Variants in MAP3K13 observed in about 807,000 individuals in gnomAD.
MAP3K13 encodes mitogen-activated protein kinase kinase kinase 13.
MAP3K13 carries 52 observed loss-of-function variants against 104.0 expected under a neutral mutation model. The observed-to-expected ratio is 0.50, with a 90% confidence interval of 0.40 to 0.63. The LOEUF (loss-of-function observed/expected upper bound fraction) is 0.63. MAP3K13 is among the 20% of genes least tolerant of loss of function. The pLI is 0.00. For missense variants in MAP3K13, 914 were observed against 1,218.5 expected (o/e 0.75, Z 3.72); for synonymous variants, 394 against 442.2 (o/e 0.89, Z 1.37).
intron 3 of MAP3K13, among the ~76,000 whole-genome samples, chr3:185,439,493 T>C (rs540915419): frequency 6.6e-6 from 1 of 152,124 alleles, no homozygotes; most frequent in South Asian, 2.1e-4. Context: ...ACTTCCAGTA[T>C]GCTACACCCT....
intron 2 of MAP3K13, among the ~76,000 whole-genome samples, chr3:185,351,127 C>T (rs533930938): frequency 8.5e-5 from 13 of 152,302 alleles, no homozygotes; most frequent in Admixed American, 7.2e-4. Context: ...CTAAACACCA[C>T]GTGTTCTCAC....
At chr3:185,379,212 G>A (rs921185028) in intron 1 of MAP3K13, among the ~76,000 whole-genome samples, 1 of 152,198 alleles carries the variant, frequency 6.6e-6, no homozygotes, top group African/African-American at 2.4e-5. Flanking sequence ...TGGAACGTGG[G>A]CGAATAATCA....
At chr3:185,451,077 G>A (rs930403752) in intron 6 of MAP3K13, among the ~76,000 whole-genome samples, 2 of 152,228 alleles carry the variant, frequency 1.3e-5, no homozygotes, top group South Asian at 2.1e-4. Context: ...GTGACAGAGC[G>A]AGACTCCGTC....
chr3:185,407,428 T>A (rs1713175670), intron 1 of MAP3K13, among the ~76,000 whole-genome samples: 1 of 152,228 alleles, frequency 6.6e-6, no homozygotes, highest in Non-Finnish European at 1.5e-5. Context: ...AAATTAACTC[T>A]ATATACACAA....
chr3:185,422,100 C>A (rs1415746698), intron 1 of MAP3K13, among the ~76,000 whole-genome samples: 2 of 152,226 alleles, frequency 1.3e-5, no homozygotes, highest in Non-Finnish European at 2.9e-5. Flanking sequence ...TCCTGCTGGC[C>A]TGTGGATAGG....
chr3:185,455,772 TGATATATATATGA>T (rs1716658555), intron 7 of MAP3K13, among the ~76,000 whole-genome samples: 1 of 48,618 alleles, frequency 2.1e-5, no homozygotes, highest in East Asian at 6.0e-4. Context: ...GATATATATA[TGATATATATATGA>T]GATATATATA....
chr3:185,361,181 T>C (rs570697848), upstream of MAP3K13, among the ~76,000 whole-genome samples: 1 of 149,854 alleles, frequency 6.7e-6, no homozygotes, highest in African/African-American at 2.4e-5. Flanking sequence ...GTATATATTA[T>C]ATATATATAT....
At chr3:185,326,407 G>A (rs1394445968) in intron 2 of MAP3K13, among the ~76,000 whole-genome samples, 1 of 152,136 alleles carries the variant, frequency 6.6e-6, no homozygotes, top group African/African-American at 2.4e-5. Flanking sequence ...CCCTGGAGCA[G>A]CTTATCTATT....
chr3:185,331,092 C>CTTTTTTTTTT lies in MAP3K13; in HGVS notation c.-86+45458_-86+45467dup, dbSNP rs34204309. Reference sequence around the variant, plus strand: ...CTTTTTTTCTTTTAACCTAATTTACCTTTTTTTTTTTTTTTTTTGAGACGG... The same window carrying CTTTTTTTTTT: ...CTTTTTTTCTTTTAACCTAATTTACCTTTTTTTTTTTTTTTTTTTTTTTTTTTTGAGACGG... On this transcript the variant is annotated intron_variant, in intron 2 of 14. Transcript: ENST00000424227. 7.4e-5 allele frequency among the ~76,000 whole-genome samples: 8 copies of CTTTTTTTTTT among 108,590 alleles called. 1 individual carries two copies. Among genetic ancestry groups the CTTTTTTTTTT allele is most frequent in the African/African-American group, 1.4e-4 (4 of 28,898 alleles). 71.2% of individuals were successfully genotyped at this position (108,590 alleles called of 152,430 possible). A position where few individuals can be genotyped will look rare whatever the true frequency, so the allele number is the denominator to read the frequency against.
In MAP3K13 at chr3:185,428,763, A is replaced by G. The variant is rs527364484; in HGVS notation, c.182A>G (p.His61Arg). The G allele has an allele frequency of 6.2e-7, 1 of 1,614,222 alleles. No individual in the cohort carries two copies. The highest frequency in any genetic ancestry group is 1.3e-5 in the African/African-American group (1 of 75,060). Residue 61 changes from histidine to arginine, a missense_variant, in exon 2 of 14, where the codon CAC becomes CGC. Coordinates refer to ENST00000265026, the MANE Select transcript of MAP3K13 (RefSeq NM_004721.5). ...MVRTELIESV[H>R]SPVTTTVLTS... The stretch of plus-strand genomic sequence containing the variant: ...CGAACAGAGCTAATCGAGAGCGTGC[A>G]CAGCCCCGTCACCACAACAGTGTTG...
At chr3:185,347,557 T>G (rs2108727646) in intron 2 of MAP3K13, among the ~76,000 whole-genome samples, 1 of 152,326 alleles carries the variant, frequency 6.6e-6, no homozygotes, top group African/African-American at 2.4e-5. Context: ...GCCCATTTTC[T>G]CTTTCACATT....
intron 1 of MAP3K13, among the ~76,000 whole-genome samples, chr3:185,399,977 G>T (rs1043259262): frequency 1.3e-5 from 2 of 152,034 alleles, no homozygotes; most frequent in Admixed American, 1.3e-4. Context: ...TGTCTCCAAA[G>T]TGTTGCTCAG....
chr3:185,359,733 T>G (rs1203066769), upstream of MAP3K13, among the ~76,000 whole-genome samples: 1 of 152,190 alleles, frequency 6.6e-6, no homozygotes, highest in Admixed American at 6.5e-5. Flanking sequence ...AAATAGGATT[T>G]GAGCCCAGAT....
intron 2 of MAP3K13, among the ~76,000 whole-genome samples, chr3:185,314,521 C>T (rs911804144): frequency 2.0e-5 from 3 of 151,852 alleles, no homozygotes; most frequent in Admixed American, 6.6e-5. Context: ...GAGGCTGAGG[C>T]GGGAGAATTG....
At chr3:185,356,626 A>G (rs776150802) in intron 2 of MAP3K13, among the ~76,000 whole-genome samples, 6 of 152,190 alleles carry the variant, frequency 3.9e-5, no homozygotes, top group Admixed American at 6.5e-5. Flanking sequence ...GCCCCCACCC[A>G]GCCAATAGTT....
In MAP3K13 at chr3:185,487,157, C is replaced by T; in HGVS notation, c.*4701C>T. On this transcript the variant is annotated 3_prime_UTR_variant, in exon 14 of 14. Coordinates refer to ENST00000265026, the MANE Select transcript of MAP3K13 (RefSeq NM_004721.5). ...GGGTTTGGGATTTACCTGGCACCAA[C>T]CCAGACTTTTTTTGGGGGGGGGTGA... The T allele has an allele frequency of 7.7e-6, 1 of 129,468 alleles. No homozygotes were observed. The highest frequency in any genetic ancestry group is 1.7e-5 in the Non-Finnish European group (1 of 60,278). The allele number at this position is 129,468 out of a possible 1,614,324, so 8.0% of individuals were successfully genotyped here. A position where few individuals can be genotyped will look rare whatever the true frequency, so the allele number is the denominator to read the frequency against.
chr3:185,454,487 TATATATAC>T (rs1185601742), intron 7 of MAP3K13, among the ~76,000 whole-genome samples: 6 of 107,764 alleles, frequency 5.6e-5, no homozygotes, highest in Non-Finnish European at 6.9e-5. Flanking sequence ...ATATATATGA[TATATATAC>T]ATATATATGA....
chr3:185,448,171 TG>T, intron 5 of MAP3K13: 1 of 666,844 alleles, frequency 1.5e-6, no homozygotes, highest in Non-Finnish European at 2.7e-6. Flanking sequence ...GTCACCAGTT[TG>T]GGGGACCTCA....
Position 185,473,317 on chromosome 3 carries a change from C to T in MAP3K13, c.1986C>T (p.Asp662=), listed in dbSNP as rs762629060. 2.5e-6 allele frequency: 4 copies of T among 1,614,262 alleles called. No homozygotes were observed. In the East Asian group the frequency reaches 8.9e-5, roughly 36 times the overall value. Reference sequence around the variant, plus strand: ...CCAGACTCAATATGCACGGACAGGACATAGCAACCTGCGCCAACAACCTGA... The same window carrying T: ...CCAGACTCAATATGCACGGACAGGATATAGCAACCTGCGCCAACAACCTGA... ...HHPRLNMHGQ[D]IATCANNLRY... The change falls in exon 11 of 14, where the codon GAC becomes GAT. Residue 662 remains aspartate, a synonymous_variant. Transcript: ENST00000265026. The surrounding 1 kb of genome is among the most constrained non-coding windows in gnomAD (Gnocchi z 4.9).
Sources: allele counts gnomAD v4.1 joint callset (sites outside exome capture counted in the v4.1 genomes callset), GRCh38; gene constraint gnomAD v4.1.1; non-coding constraint Gnocchi (gnomAD v3.1); transcripts MANE v1.5; gene names NCBI Gene and HGNC (gene_info 2026-07-23, HGNC 2026-07-21).